The following PIEZO2 variants were observed in gnomAD, a reference collection of about 807,000 sequenced individuals.
The protein encoded by PIEZO2 is piezo type mechanosensitive ion channel component 2.
A neutral mutation model predicts 337.3 loss-of-function variants in PIEZO2; 172 were observed. The ratio of observed to expected loss-of-function variants is 0.51; its 90% CI spans 0.45 to 0.58. PIEZO2 has a LOEUF of 0.58. Ranked by LOEUF, PIEZO2 falls within the 20% of genes least tolerant of loss-of-function variation. The pLI, the probability that PIEZO2 is intolerant of heterozygous loss-of-function variation, is 0.00. For synonymous variants in PIEZO2, 1,251 were observed against 1,228.5 expected (o/e 1.02, Z -0.38); for missense variants, 3,028 against 3,391.3 (o/e 0.89, Z 2.66).
intron 1 of PIEZO2, among the ~76,000 whole-genome samples, chr18:11,144,137 A>G (rs534825377): frequency 6.6e-5 from 10 of 152,278 alleles, no homozygotes; most frequent in East Asian, 3.9e-4. Flanking sequence ...ACAAACACAC[A>G]TCACCCGTAA....
At chr18:10,970,660 TCACACACACACACACACACA>T (rs71169962) in intron 3 of PIEZO2, among the ~76,000 whole-genome samples, 4 of 137,528 alleles carry the variant, frequency 2.9e-5, no homozygotes, top group East Asian at 4.4e-4. Context: ...AAAAGATGTT[TCACACACACACACACACACA>T]CACACACACA....
At position 10,903,197 on chromosome 18, in the gene PIEZO2, C is replaced by T. The variant is rs1163018115; in HGVS notation, c.329+7989G>A. 6.6e-6 allele frequency among the ~76,000 whole-genome samples: 1 copy of T among 152,220 alleles called. No homozygotes were observed. Among genetic ancestry groups the T allele is most frequent in the African/African-American group, 2.4e-5 (1 of 41,460 alleles). On this transcript the variant is annotated intron_variant, in intron 4 of 55. Transcript: ENST00000674853. This position sits in a 1 kb window ranked among gnomAD's most constrained non-coding sequence, Gnocchi z 4.1. ...GGCATACATCTGCATGTCACACTCACACTGTCCCTATCTTGGTCGAGACAT... is the reference window on the plus strand; with the variant it reads ...GGCATACATCTGCATGTCACACTCATACTGTCCCTATCTTGGTCGAGACAT...
intron 13 of PIEZO2, among the ~76,000 whole-genome samples, chr18:10,792,132 A>G (rs1480055357): frequency 6.6e-6 from 1 of 152,192 alleles, no homozygotes; most frequent in African/African-American, 2.4e-5. Context: ...TTCTTTTAGT[A>G]GAGACGGGGT....
In PIEZO2 at chr18:10,715,713, C is replaced by T; in HGVS notation, c.5193G>A (p.Glu1731=). The change falls in exon 38 of 56, where the codon GAG becomes GAA. Residue 1731 remains glutamate (E), a synonymous_variant. Coordinates refer to ENST00000674853, the MANE Select transcript of PIEZO2 (RefSeq NM_001378183.1). ...FTTWLNSISR[E]HIDISTVLRI... ...TCAGAACTGTAGATATATCAATATGCTCCCTTGAAATGGAGTTAAGCCAAG... is the reference window on the plus strand; with the variant it reads ...TCAGAACTGTAGATATATCAATATGTTCCCTTGAAATGGAGTTAAGCCAAG... 6.5e-7 allele frequency: 1 copy of T among 1,536,778 alleles called. No homozygotes were observed. The highest frequency in any genetic ancestry group is 1.2e-5 in the South Asian group (1 of 83,994).
intron 3 of PIEZO2, among the ~76,000 whole-genome samples, chr18:10,972,910 G>A (rs535788306): frequency 1.3e-5 from 2 of 152,038 alleles, no homozygotes; most frequent in African/African-American, 2.4e-5. Flanking sequence ...ATATTAACTC[G>A]AACCTCACAA....
intron 9 of PIEZO2, among the ~76,000 whole-genome samples, chr18:10,801,810 G>A (rs868351007): frequency 8.5e-5 from 13 of 152,088 alleles, no homozygotes; most frequent in Middle Eastern, 3.2e-3. Context: ...AATTGGGCTC[G>A]GCGCGGTAGC....
chr18:10,809,902 T>G (rs1172928273), intron 7 of PIEZO2, among the ~76,000 whole-genome samples: 2 of 152,182 alleles, frequency 1.3e-5, no homozygotes, highest in Non-Finnish European at 2.9e-5. Flanking sequence ...CTGACTGTCT[T>G]AAATCTCTCC....
rs1303478615 is a variant in PIEZO2 at position 10,861,409 on chromosome 18, T to C, written c.493-4198A>G. 6.6e-6 allele frequency among the ~76,000 whole-genome samples: 1 copy of C among 152,274 alleles called. No homozygotes were observed. The highest frequency in any genetic ancestry group is 6.5e-5 in the Admixed American group (1 of 15,280). ...ATATTTAAGTCCTTTATCTCACCTC[T>C]TTAAAAGTTTATGATTTTAACAGGA... On this transcript the variant is annotated intron_variant, in intron 5 of 55. Transcript: ENST00000674853. This position sits in a 1 kb window ranked among gnomAD's most constrained non-coding sequence, Gnocchi z 4.3.
intron 36 of PIEZO2, among the ~76,000 whole-genome samples, chr18:10,722,950 T>A (rs2036380374): frequency 6.8e-6 from 1 of 147,346 alleles, no homozygotes; most frequent in Non-Finnish European, 1.5e-5. Flanking sequence ...GTGTCCAGGA[T>A]GCAGTGATTT....
chr18:11,097,679 CTG>C lies in PIEZO2; in HGVS notation c.65-31459_65-31458del, dbSNP rs1177190226. ...TCCTCTTTAGTAGATTTTCACCTGA[CTG>C]TATTTTCTGTATACTTATTGTATGA... On this transcript the variant is annotated intron_variant, in intron 1 of 55. Coordinates refer to ENST00000674853, the MANE Select transcript of PIEZO2 (RefSeq NM_001378183.1). The surrounding 1 kb of genome is among the most constrained non-coding windows in gnomAD (Gnocchi z 5.0). 6.6e-6 allele frequency among the ~76,000 whole-genome samples: 1 copy of C among 152,204 alleles called. No homozygotes were observed. The highest frequency in any genetic ancestry group is 2.4e-5 in the African/African-American group (1 of 41,454).
At chr18:11,122,299 G>A (rs183162266) in intron 1 of PIEZO2, among the ~76,000 whole-genome samples, 50 of 152,202 alleles carry the variant, frequency 3.3e-4, no homozygotes, top group African/African-American at 1.1e-3. Context: ...AACTTTCCCA[G>A]GACCATTGAT....
chr18:10,952,252 CAG>C lies in PIEZO2; in HGVS notation c.286+27281_286+27282del, dbSNP rs1320203822. ...TTTTCTTATTAGATTATAAGTTACA[CAG>C]AGTAAAATTTTTGCATGTATAATTT... On this transcript the variant is annotated intron_variant, in intron 3 of 55. Transcript: ENST00000674853. The surrounding 1 kb of genome is among the most constrained non-coding windows in gnomAD (Gnocchi z 4.1). Among the ~76,000 whole-genome samples, 1 of 152,110 alleles carries C rather than the reference CAG, an allele frequency of 6.6e-6. No homozygotes were observed. Among genetic ancestry groups the C allele is most frequent in the African/African-American group, 2.4e-5 (1 of 41,414 alleles).
At chr18:10,990,647 A>G (rs1304147225) in intron 2 of PIEZO2, among the ~76,000 whole-genome samples, 1 of 151,696 alleles carries the variant, frequency 6.6e-6, no homozygotes, top group Non-Finnish European at 1.5e-5. Context: ...ACATATTTAC[A>G]TAATGCCAAA....
rs57885955 is a variant in PIEZO2 at position 11,143,600 on chromosome 18, AACACAC to A, written c.64+4919_64+4924del. ...AAAATCCTGAGAACTAAAAATCTCT[AACACAC>A]ACACACACACACACACACACACACA... On this transcript the variant is annotated intron_variant, in intron 1 of 55. Coordinates refer to ENST00000674853, the MANE Select transcript of PIEZO2 (RefSeq NM_001378183.1). This position sits in a 1 kb window ranked among gnomAD's most constrained non-coding sequence, Gnocchi z 4.9. 0.2 allele frequency among the ~76,000 whole-genome samples: 20,973 copies of A among 105,990 alleles called. 2,215 individuals carry two copies. Among genetic ancestry groups the A allele is most frequent in the South Asian group, 0.27 (641 of 2,362 alleles). 69.5% of individuals were successfully genotyped at this position (105,990 alleles called of 152,430 possible).
intron 26 of PIEZO2, among the ~76,000 whole-genome samples, chr18:10,758,976 C>T (rs4432309): frequency 0.82 from 124,022 of 152,154 alleles, 50,794 homozygotes; most frequent in East Asian, 0.91. Context: ...TAAAACCCAG[C>T]ACTCTGGTCT....
intron 7 of PIEZO2, among the ~76,000 whole-genome samples, chr18:10,826,695 A>G (rs1215489153): frequency 1.3e-5 from 2 of 152,058 alleles, no homozygotes; most frequent in Admixed American, 6.5e-5. Context: ...AGATCTTCCA[A>G]CCTCTAATTG....
rs2040159768 is a variant in PIEZO2, at chr18:11,125,563, A to G, written c.64+22962T>C. ...TCAATACATCTGCGGAAACCAAGAC[A>G]CACTCCATTCCAAATAAAGATTACC... On this transcript the variant is annotated intron_variant, in intron 1 of 55. Coordinates refer to ENST00000674853, the MANE Select transcript of PIEZO2 (RefSeq NM_001378183.1). The surrounding 1 kb of genome is among the most constrained non-coding windows in gnomAD (Gnocchi z 4.4). 6.6e-6 allele frequency among the ~76,000 whole-genome samples: 1 copy of G among 152,212 alleles called. No individual in the cohort carries two copies. The highest frequency in any genetic ancestry group is 1.5e-5 in the Non-Finnish European group (1 of 68,030).
Position 10,813,612 on chromosome 18 carries a change from A to G in PIEZO2, c.918-6338T>C, listed in dbSNP as rs2040265307. 6.6e-6 allele frequency among the ~76,000 whole-genome samples: 1 copy of G among 152,158 alleles called. No homozygotes were observed. The highest frequency in any genetic ancestry group is 2.4e-5 in the African/African-American group (1 of 41,430). On this transcript the variant is annotated intron_variant, in intron 7 of 55. Coordinates refer to ENST00000674853, the MANE Select transcript of PIEZO2 (RefSeq NM_001378183.1). The surrounding 1 kb of genome is among the most constrained non-coding windows in gnomAD (Gnocchi z 4.2). ...ACTTTAAGGCTGAATACATAAATATATACATATGTATGTCCCATTTGTTAA... is the reference window on the plus strand; with the variant it reads ...ACTTTAAGGCTGAATACATAAATATGTACATATGTATGTCCCATTTGTTAA...
chr18:10,714,047 G>A (rs181242099), intron 39 of PIEZO2, among the ~76,000 whole-genome samples: 1 of 152,298 alleles, frequency 6.6e-6, no homozygotes, highest in Non-Finnish European at 1.5e-5. Context: ...TAAACCACAT[G>A]ATTTTGGATT....
Sources: gnomAD v4.1 joint callset for allele counts (sites outside exome capture counted in the v4.1 genomes callset) on GRCh38, gnomAD v4.1.1 for gene constraint, Gnocchi (gnomAD v3.1) non-coding constraint, MANE v1.5 for transcripts, NCBI Gene and HGNC (gene_info 2026-07-23, HGNC 2026-07-21) for gene names.